SNTG2: variants seen among roughly 807,000 people sequenced by gnomAD.
The protein encoded by SNTG2 is syntrophin gamma 2.
SNTG2 carries 74 observed loss-of-function variants against 70.9 expected under a neutral mutation model. The ratio of observed to expected loss-of-function variants is 1.04; its 90% CI spans 0.86 to 1.27. SNTG2 has a LOEUF of 1.27. Ranked by LOEUF, SNTG2 falls within the 50% of genes most tolerant of loss-of-function variation. The probability of loss-of-function intolerance (pLI) is 0.00; values close to 1 mark genes in which losing one functional copy is unlikely to be tolerated. For synonymous variants in SNTG2, 278 were observed against 273.8 expected, an observed-to-expected ratio of 1.02 and a Z score of -0.15; for missense variants, 717 against 690.7, an observed-to-expected ratio of 1.04 and a Z score of -0.43.
At chr2:1,294,707 G>A (rs771608453) in intron 14 of SNTG2, among the ~76,000 whole-genome samples, 4 of 152,126 alleles carry the variant, frequency 2.6e-5, no homozygotes, top group Non-Finnish European at 4.4e-5. Context: ...AATGGTAAAC[G>A]GTCATTTCAG....
chr2:1,260,238 A>G (rs1448819981), intron 13 of SNTG2, among the ~76,000 whole-genome samples: 5 of 152,360 alleles, frequency 3.3e-5, no homozygotes, highest in African/African-American at 1.2e-4. Context: ...TAAATTGAAA[A>G]TATCCTCAAA....
chr2:1,363,135 C>CCCG (rs769768511), intron 16 of SNTG2, among the ~76,000 whole-genome samples: 2 of 150,224 alleles, frequency 1.3e-5, no homozygotes, highest in Non-Finnish European at 3.0e-5. Flanking sequence ...ATGGACCCCC[C>CCCG]CCATGAAAGA....
At chr2:1,213,034 C>T (rs932925374) in intron 9 of SNTG2, among the ~76,000 whole-genome samples, 3 of 152,248 alleles carry the variant, frequency 2.0e-5, no homozygotes, top group African/African-American at 7.2e-5. Context: ...CCCTCTGACT[C>T]TGTCCTTGTC....
chr2:956,568 C>G (rs527239981), intron 1 of SNTG2, among the ~76,000 whole-genome samples: 1 of 152,348 alleles, frequency 6.6e-6, no homozygotes, highest in African/African-American at 2.4e-5. Flanking sequence ...TGCGGAGGAC[C>G]CGCTCCCCCA....
At chr2:1,178,332 A>G (rs1354782113) in intron 8 of SNTG2, among the ~76,000 whole-genome samples, 1 of 152,128 alleles carries the variant, frequency 6.6e-6, no homozygotes, top group Non-Finnish European at 1.5e-5. Flanking sequence ...AGAACTTCCA[A>G]CACTATGTTG....
chr2:1,156,508 G>T (rs4971360), intron 6 of SNTG2, among the ~76,000 whole-genome samples: 1 of 151,884 alleles, frequency 6.6e-6, no homozygotes, highest in Non-Finnish European at 1.5e-5. Flanking sequence ...CCTGCCCTGC[G>T]CTAGAGTCCC....
chr2:1,232,673 T>C (rs1558572105), intron 9 of SNTG2, among the ~76,000 whole-genome samples: 1 of 152,194 alleles, frequency 6.6e-6, no homozygotes, highest in Non-Finnish European at 1.5e-5. Context: ...ATATTTAATA[T>C]GGACTATTTA....
intron 1 of SNTG2, among the ~76,000 whole-genome samples, chr2:1,052,426 T>C (rs982754694): frequency 6.6e-6 from 1 of 152,206 alleles, no homozygotes; most frequent in African/African-American, 2.4e-5. Context: ...CTTGTGTGCT[T>C]TTCATATCTG....
chr2:1,036,441 A>G (rs1222150806), intron 1 of SNTG2, among the ~76,000 whole-genome samples: 1 of 152,110 alleles, frequency 6.6e-6, no homozygotes, highest in Non-Finnish European at 1.5e-5. Flanking sequence ...AATTTCTAAG[A>G]TCTCATATTG....
chr2:994,352 C>G (rs1484092615), intron 1 of SNTG2, among the ~76,000 whole-genome samples: 1 of 152,048 alleles, frequency 6.6e-6, no homozygotes, highest in Non-Finnish European at 1.5e-5. Flanking sequence ...CATTCCCATT[C>G]CATTGATCTA....
chr2:1,309,166 G>A (rs557310680), intron 15 of SNTG2, among the ~76,000 whole-genome samples: 9 of 152,160 alleles, frequency 5.9e-5, no homozygotes, highest in Admixed American at 2.6e-4. Context: ...AGATAAATAC[G>A]GTTGTTAAAA....
At chr2:1,296,442 T>G (rs974146239) in intron 14 of SNTG2, among the ~76,000 whole-genome samples, 9 of 152,246 alleles carry the variant, frequency 5.9e-5, no homozygotes, top group Admixed American at 1.3e-4. Flanking sequence ...GCCTCTGTGC[T>G]GGTGAGCACG....
At chr2:1,290,739 TC>T (rs1203335381) in intron 14 of SNTG2, among the ~76,000 whole-genome samples, 1 of 152,056 alleles carries the variant, frequency 6.6e-6, no homozygotes, top group East Asian at 1.9e-4. Flanking sequence ...AGGCCTTAAC[TC>T]CAACAGTGGG....
intron 6 of SNTG2, among the ~76,000 whole-genome samples, chr2:1,147,454 C>T (rs1669174916): frequency 1.3e-5 from 2 of 152,222 alleles, no homozygotes; most frequent in Non-Finnish European, 2.9e-5. Flanking sequence ...TCCCAGCCTA[C>T]ATCTTTCTCC....
At chr2:1,173,293 G>A (rs779350384) in intron 8 of SNTG2, 110 bp downstream of exon 8, 6 of 1,057,812 alleles carry the variant, frequency 5.7e-6, no homozygotes, top group East Asian at 2.4e-5. Flanking sequence ...GAAGATAATT[G>A]TGTTAGTTTC....
At chr2:1,173,378 T>G (rs902509177) in intron 8 of SNTG2, among the ~76,000 whole-genome samples, 195 bp downstream of exon 8, 1 of 152,204 alleles carries the variant, frequency 6.6e-6, no homozygotes, top group African/African-American at 2.4e-5. Flanking sequence ...ACATCCTGAT[T>G]GCATTATAGG....
At chr2:1,039,145 G>C (rs1661290329) in intron 1 of SNTG2, among the ~76,000 whole-genome samples, 1 of 152,172 alleles carries the variant, frequency 6.6e-6, no homozygotes, top group South Asian at 2.1e-4. Flanking sequence ...TCCCAGTTAA[G>C]GTATATAAAG....
intron 4 of SNTG2, among the ~76,000 whole-genome samples, chr2:1,118,727 GA>G (rs1667194772): frequency 6.6e-6 from 1 of 151,910 alleles, no homozygotes; most frequent in Non-Finnish European, 1.5e-5. Flanking sequence ...GAGGTGAATA[GA>G]AAACGGAATA....
chr2:1,195,119 GTCTA>G (rs1453381866), intron 8 of SNTG2, among the ~76,000 whole-genome samples: 1 of 152,122 alleles, frequency 6.6e-6, no homozygotes, highest in Non-Finnish European at 1.5e-5. Context: ...TCTTTATCCA[GTCTA>G]TCTTTGATGG....
Sources: gnomAD v4.1 joint callset for allele counts (sites outside exome capture counted in the v4.1 genomes callset) on GRCh38, gnomAD v4.1.1 for gene constraint, MANE v1.5 for transcripts, NCBI Gene and HGNC (gene_info 2026-07-23, HGNC 2026-07-21) for gene names.